SHANK2: variants seen among roughly 807,000 people sequenced by gnomAD.
The protein encoded by SHANK2 is SH3 and multiple ankyrin repeat domains protein 2.
In SHANK2, 43 loss-of-function variants were observed where a neutral mutation model predicts 133.7. The observed-to-expected ratio is 0.32, with a 90% confidence interval of 0.25 to 0.41. The LOEUF (loss-of-function observed/expected upper bound fraction) is 0.41, where lower values mean the gene tolerates loss of function less well. Among genes scored for constraint, SHANK2 ranks in the 10% least tolerant of loss-of-function variants. The probability of loss-of-function intolerance (pLI) is 1.00; values close to 1 mark genes in which losing one functional copy is unlikely to be tolerated. For missense variants in SHANK2, 1,994 were observed against 2,235.8 expected (o/e 0.89, Z 2.18); for synonymous variants, 1,017 against 952.8 (o/e 1.07, Z -1.24).
At chr11:71,105,773 G>A (rs115266878) in intron 6 of SHANK2, among the ~76,000 whole-genome samples, 211 of 152,066 alleles carry the variant, frequency 1.4e-3, no homozygotes, top group African/African-American at 4.9e-3. Context: ...TGTAAGCTCC[G>A]GACTGGAGGA....
chr11:70,799,256 G>C (rs1167791055), intron 13 of SHANK2, among the ~76,000 whole-genome samples: 1 of 152,044 alleles, frequency 6.6e-6, no homozygotes, highest in Admixed American at 6.5e-5. Context: ...AAATTAGCTG[G>C]GCATGGTGGC....
intron 2 of SHANK2, among the ~76,000 whole-genome samples, chr11:71,153,482 T>C (rs1296582908): frequency 1.3e-5 from 2 of 152,202 alleles, no homozygotes; most frequent in African/African-American, 4.8e-5. Context: ...AATCTTCAAC[T>C]GGCTCATTCG....
chr11:71,101,733 T>C (rs1427898793), intron 6 of SHANK2, among the ~76,000 whole-genome samples: 2 of 152,218 alleles, frequency 1.3e-5, no homozygotes, highest in Non-Finnish European at 2.9e-5. Context: ...TTCAAGACGA[T>C]GCTCTGAAGG....
chr11:71,075,228 G>A lies in SHANK2; in HGVS notation c.960C>T (p.Tyr320=), dbSNP rs998586407. 5 of 252,572 alleles carry A rather than the reference G, an allele frequency of 2.0e-5. No homozygotes were observed. The highest frequency in any genetic ancestry group is 3.3e-5 in the Non-Finnish European group (4 of 121,560). The allele number at this position is 252,572 out of a possible 1,614,324, so 15.6% of individuals were successfully genotyped here. ...CATTCTGGGCACTCATGTCTGCCCC[G>A]TAGAACAGCAGGTGCTCCAGGTGCT... The part of the protein sequence containing the change: ...HVQHLEHLLF[Y]GADMSAQNAS... Residue 320 remains tyrosine, a synonymous_variant, in exon 9 of 26, where the codon TAC becomes TAT. Transcript: ENST00000601538.
intron 14 of SHANK2, among the ~76,000 whole-genome samples, chr11:70,768,378 G>C (rs782354591): frequency 3.3e-5 from 5 of 152,220 alleles, no homozygotes; most frequent in Non-Finnish European, 7.3e-5. Flanking sequence ...CCCCAAATCA[G>C]CCAAGTAATT....
rs781892496 is a variant in SHANK2 at position 70,659,810 on chromosome 11, A to G, written c.2061+18T>C. 1 of 1,613,922 alleles carries G rather than the reference A, an allele frequency of 6.2e-7. No homozygotes were observed. Among genetic ancestry groups the G allele is most frequent in the South Asian group, 1.1e-5 (1 of 91,052 alleles). On this transcript the variant is annotated intron_variant, in intron 17 of 25. Coordinates refer to ENST00000601538, the MANE Select transcript of SHANK2 (RefSeq NM_012309.5). ...GCGCTCTCCCCAAGCAGAAAGATACAGACACCTGTGTCCCTACCTCAATCA... is the reference window on the plus strand; with the variant it reads ...GCGCTCTCCCCAAGCAGAAAGATACGGACACCTGTGTCCCTACCTCAATCA...
At chr11:71,068,437 G>A (rs2135959623) in intron 9 of SHANK2, among the ~76,000 whole-genome samples, 1 of 152,340 alleles carries the variant, frequency 6.6e-6, no homozygotes, top group South Asian at 2.1e-4. Context: ...GGCAAATAAA[G>A]TGCCTTTGCT....
chr11:71,114,202 C>A (rs558199989), intron 4 of SHANK2, among the ~76,000 whole-genome samples: 2 of 152,276 alleles, frequency 1.3e-5, no homozygotes, highest in African/African-American at 4.8e-5. Flanking sequence ...GATAATAGCA[C>A]CCACCTCCCA....
intron 2 of SHANK2, among the ~76,000 whole-genome samples, chr11:71,200,971 C>T (rs1555117004): frequency 3.9e-5 from 6 of 152,120 alleles, no homozygotes; most frequent in Non-Finnish European, 2.9e-5. Flanking sequence ...ATATTGGGCA[C>T]CTGCAATGTG....
chr11:71,100,826 C>A (rs1297827834), intron 6 of SHANK2, among the ~76,000 whole-genome samples: 1 of 149,826 alleles, frequency 6.7e-6, no homozygotes, highest in African/African-American at 2.5e-5. Context: ...GAGATCACAC[C>A]ACTGCACTCC....
At chr11:70,527,820 C>T (rs921212869) in intron 17 of SHANK2, among the ~76,000 whole-genome samples, 4 of 152,226 alleles carry the variant, frequency 2.6e-5, no homozygotes, top group Non-Finnish European at 5.9e-5. Flanking sequence ...CACCCAGGGA[C>T]AATGGCAGAC....
At chr11:71,172,597 C>CA (rs10623588) in intron 2 of SHANK2, among the ~76,000 whole-genome samples, 25,632 of 107,052 alleles carry the variant, frequency 0.24, 3,032 homozygotes, top group South Asian at 0.31. Context: ...GACTCTGTCT[C>CA]AAAAAAAAAA....
chr11:70,572,171 G>A (rs1554983224), intron 17 of SHANK2, among the ~76,000 whole-genome samples: 1 of 152,210 alleles, frequency 6.6e-6, no homozygotes, highest in Non-Finnish European at 1.5e-5. Flanking sequence ...AACCCCTGTT[G>A]GGTTTTGAGA....
chr11:70,617,097 G>C (rs1199174224), intron 17 of SHANK2, among the ~76,000 whole-genome samples: 1 of 152,054 alleles, frequency 6.6e-6, no homozygotes, highest in Non-Finnish European at 1.5e-5. Flanking sequence ...GTCTATGAGA[G>C]TGTGTATGTG....
intron 8 of SHANK2, among the ~76,000 whole-genome samples, chr11:71,090,327 G>T: frequency 1.2e-5 from 1 of 83,836 alleles, no homozygotes; most frequent in African/African-American, 5.1e-5. Flanking sequence ...TATCAGCCAG[G>T]GCTCTCCAGA....
intron 11 of SHANK2, among the ~76,000 whole-genome samples, chr11:70,869,993 C>T (rs1204349666): frequency 6.6e-6 from 1 of 152,168 alleles, no homozygotes; most frequent in Non-Finnish European, 1.5e-5. Flanking sequence ...CCACCCAGAA[C>T]CTACGAATGG....
intron 17 of SHANK2, among the ~76,000 whole-genome samples, chr11:70,587,597 A>G (rs933595340): frequency 7.2e-5 from 11 of 151,862 alleles, no homozygotes; most frequent in African/African-American, 2.7e-4. Context: ...AAAGATGCAG[A>G]GGCATATCTT....
intron 14 of SHANK2, among the ~76,000 whole-genome samples, chr11:70,741,960 C>G (rs1183400140): frequency 6.6e-6 from 1 of 152,190 alleles, no homozygotes; most frequent in Non-Finnish European, 1.5e-5. Flanking sequence ...GAGTCAGTGT[C>G]CAGAATTCCA....
intron 14 of SHANK2, among the ~76,000 whole-genome samples, chr11:70,738,218 G>T (rs1946447553): frequency 6.6e-6 from 1 of 152,282 alleles, no homozygotes; most frequent in Admixed American, 6.5e-5. Context: ...ACTGCTAAGA[G>T]ACCTGGTAGA....
Sources: allele counts gnomAD v4.1 joint callset (sites outside exome capture counted in the v4.1 genomes callset), GRCh38; gene constraint gnomAD v4.1.1; transcripts MANE v1.5; gene names NCBI Gene and HGNC (gene_info 2026-07-23, HGNC 2026-07-21).